The following SLC6A19 variants were observed in gnomAD, a reference collection of about 807,000 sequenced individuals.
SLC6A19 encodes sodium-dependent neutral amino acid transporter B(0)AT1.
In SLC6A19, 67 loss-of-function variants were observed where a neutral mutation model predicts 68.3. The observed-to-expected ratio is 0.98, with a 90% CI of 0.81 to 1.20. The LOEUF is 1.20. Ranked by LOEUF, SLC6A19 falls within the 50% of genes most tolerant of loss-of-function variation. The pLI, the probability that SLC6A19 is intolerant of heterozygous loss-of-function variation, is 0.00. For synonymous variants in SLC6A19, 392 were observed against 374.9 expected (o/e 1.05, Z -0.53); for missense variants, 813 against 851.6 (o/e 0.95, Z 0.56).
chr5:1,208,921 G>A, intron 2 of SLC6A19, 35 bp downstream of exon 2: 4 of 1,592,446 alleles, frequency 2.5e-6, no homozygotes, highest in Non-Finnish European at 3.4e-6. Context: ...CCGGGCCCAG[G>A]GGTCGCCTCT....
At position 1,214,114 on chromosome 5, in the gene SLC6A19, A is replaced by G. The variant is rs1458185113; in HGVS notation, c.887+49A>G. ...CAGTTTCCCTCTCAGTCCTGGGGGGATCTTGCTGGGAGGATAAAAGACAAG... is the reference window on the plus strand; with the variant it reads ...CAGTTTCCCTCTCAGTCCTGGGGGGGTCTTGCTGGGAGGATAAAAGACAAG... On this transcript the variant is annotated intron_variant, in intron 6 of 11. Transcript: ENST00000304460. The surrounding 1 kb of genome is among the most constrained non-coding windows in gnomAD (Gnocchi z 7.4). 6.2e-7 allele frequency: 1 copy of G among 1,612,320 alleles called. No homozygotes were observed. Among genetic ancestry groups the G allele is most frequent in the African/African-American group, 1.3e-5 (1 of 74,794 alleles).
At position 1,216,761 on chromosome 5, in the gene SLC6A19, TG is replaced by T. The variant is rs781558345; in HGVS notation, c.1017-26del. The T allele has an allele frequency of 5.6e-6, 9 of 1,613,678 alleles. No individual in the cohort carries two copies. The South Asian group carries it at 8.8e-5, about 16-fold the overall frequency. On this transcript the variant is annotated intron_variant, in intron 7 of 11. Coordinates refer to ENST00000304460, the MANE Select transcript of SLC6A19 (RefSeq NM_001003841.3). ...GCCTCCCAGCCTCCCTGGCCCCAGG[TG>T]GCCGTCAGCCTCAATCTGACCCGCA...
intron 2 of SLC6A19, 97 bp downstream of exon 2, chr5:1,208,983 C>G: frequency 2.8e-6 from 4 of 1,449,946 alleles, no homozygotes; most frequent in Non-Finnish European, 3.7e-6. Context: ...GGCCTCGGTG[C>G]CCCTGCTCTG....
chr5:1,203,938 C>T (rs966858815), intron 1 of SLC6A19, among the ~76,000 whole-genome samples: 3 of 152,174 alleles, frequency 2.0e-5, no homozygotes, highest in Admixed American at 6.5e-5. Flanking sequence ...AAGGACCCGG[C>T]GACACAGGGT....
At chr5:1,220,921 C>T (rs765709103) in intron 10 of SLC6A19, among the ~76,000 whole-genome samples, 20 of 152,158 alleles carry the variant, frequency 1.3e-4, no homozygotes, top group Admixed American at 2.6e-4. Context: ...ATGGGCAAGC[C>T]GTCGAGCACT....
chr5:1,210,698 C>T (rs948598394), intron 3 of SLC6A19, 117 bp downstream of exon 3: 16 of 1,442,622 alleles, frequency 1.1e-5, no homozygotes, highest in African/African-American at 2.8e-5. Context: ...AGCCCCAAGG[C>T]AACAGGGTGT....
chr5:1,208,696 CTGCTCCCCCGGG>C, intron 1 of SLC6A19, 38 bp from the exon 2 acceptor site: 1 of 1,612,396 alleles, frequency 6.2e-7, no homozygotes, highest in Non-Finnish European at 8.5e-7. Context: ...GGAGGCCTTC[CTGCTCCCCCGGG>C]AACGGCTCTC....
chr5:1,202,631 G>A (rs1386417739), intron 1 of SLC6A19, among the ~76,000 whole-genome samples: 1 of 152,100 alleles, frequency 6.6e-6, no homozygotes, highest in African/African-American at 2.4e-5. Flanking sequence ...TCAGCGGAAG[G>A]TCCAGGAGGG....
chr5:1,218,782 A>C (rs1746275607), intron 8 of SLC6A19, 121 bp from the exon 9 acceptor site: 2 of 960,216 alleles, frequency 2.1e-6, no homozygotes, highest in Non-Finnish European at 3.2e-6. Context: ...TAGCTATTTC[A>C]TGACAGCTCA....
Position 1,209,674 on chromosome 5 carries a change from C to T in SLC6A19, c.344-770C>T, listed in dbSNP as rs1745968017. The stretch of plus-strand genomic sequence containing the variant: ...CCCCTCCTATTCTCTCCCTTCCCCC[C>T]TCTCTCTCATCCTCCTCCTCTCTCT... On this transcript the variant is annotated intron_variant, in intron 2 of 11. Transcript: ENST00000304460. This position sits in a 1 kb window ranked among gnomAD's most constrained non-coding sequence, Gnocchi z 5.5. Among the ~76,000 whole-genome samples, 1 of 149,528 alleles carries T rather than the reference C, an allele frequency of 6.7e-6. No homozygotes were observed. Among genetic ancestry groups the T allele is most frequent in the Admixed American group, 6.7e-5 (1 of 14,978 alleles).
At chr5:1,221,441 ACTCAGGT>A in intron 11 of SLC6A19, 128 bp downstream of exon 11, 1 of 1,235,422 alleles carries the variant, frequency 8.1e-7, no homozygotes, top group South Asian at 1.3e-5. Context: ...ACACACTCAC[ACTCAGGT>A]GCAGTCCAGC....
rs1000794728 is a variant in SLC6A19 at position 1,219,080 on chromosome 5, C to G, written c.1351C>G (p.Pro451Ala). ...CCTGCAGGACCTCAGAGTCATCCCC[C>G]CGAAGTGGCCCAAGGAGGTGCTCAC... ...VPLQDLRVIP[P>A]KWPKEVLTGL... The change falls in exon 9 of 12, where the codon CCG (proline) becomes GCG (alanine). Residue 451 changes from proline to alanine, a missense_variant. Physicochemically the swap from Pro to Ala is conservative, Grantham distance 27. Transcript: ENST00000304460. 1.9e-6 allele frequency: 3 copies of G among 1,613,650 alleles called. No homozygotes were observed. The African/African-American group carries it at 4.0e-5, about 22-fold the overall frequency.
At chr5:1,206,873 G>A (rs1359888019) in intron 1 of SLC6A19, among the ~76,000 whole-genome samples, 1 of 152,186 alleles carries the variant, frequency 6.6e-6, no homozygotes, top group Non-Finnish European at 1.5e-5. Flanking sequence ...AGGCTCACTG[G>A]GGTTTGGGAC....
In SLC6A19 at chr5:1,219,036, T is replaced by C. The variant is rs766458506; in HGVS notation, c.1307T>C (p.Met436Thr). ...GGGCTGTCATCTATGTTTGGGAACATGGAGGGCGTCGTTGTGCCCCTGCAG... is the reference window on the plus strand; with the variant it reads ...GGGCTGTCATCTATGTTTGGGAACACGGAGGGCGTCGTTGTGCCCCTGCAG... ...CLGLSSMFGN[M>T]EGVVVPLQDL... The change falls in exon 9 of 12, where the codon ATG becomes ACG. Residue 436 changes from methionine to threonine, a missense_variant. Coordinates refer to ENST00000304460, the MANE Select transcript of SLC6A19 (RefSeq NM_001003841.3). The C allele has an allele frequency of 9.9e-6, 16 of 1,613,952 alleles. No homozygotes were observed. In the East Asian group the frequency reaches 3.6e-4, roughly 36 times the overall value.
intron 10 of SLC6A19, among the ~76,000 whole-genome samples, chr5:1,220,675 T>A (rs116453690): frequency 0.012 from 1,838 of 152,298 alleles, 38 homozygotes; most frequent in African/African-American, 0.042. Flanking sequence ...GGCTTGGGTG[T>A]AACCTTCTGC....
At chr5:1,201,911 C>T (rs1311543039) in intron 1 of SLC6A19, 59 bp downstream of exon 1, 1 of 1,559,444 alleles carries the variant, frequency 6.4e-7, no homozygotes, top group East Asian at 2.3e-5. Context: ...CAGACACACG[C>T]AGAGGCCCTG....
chr5:1,218,256 C>T (rs538205259), intron 8 of SLC6A19, among the ~76,000 whole-genome samples: 2 of 152,344 alleles, frequency 1.3e-5, no homozygotes, highest in Admixed American at 1.3e-4. Flanking sequence ...TCCTTGAGTC[C>T]TGCCATATCC....
chr5:1,221,666 G>A lies in SLC6A19; in HGVS notation c.1702-35G>A, dbSNP rs763874732. 42 of 1,612,250 alleles carry A rather than the reference G, an allele frequency of 2.6e-5. No homozygotes were observed. The East Asian group carries it at 6.0e-4, about 23-fold the overall frequency. On this transcript the variant is annotated intron_variant, in intron 11 of 11. Coordinates refer to ENST00000304460, the MANE Select transcript of SLC6A19 (RefSeq NM_001003841.3). ...CTCAAAGTGAACCCCACTGGCTCCC[G>A]GGATGCCTACTCACCCATGGGGCTC...
intron 8 of SLC6A19, among the ~76,000 whole-genome samples, chr5:1,217,691 G>T (rs976862234): frequency 6.6e-6 from 1 of 152,260 alleles, no homozygotes; most frequent in Non-Finnish European, 1.5e-5. Flanking sequence ...GCGCAGGCAG[G>T]AGGGGCCCAA....
Sources: allele counts gnomAD v4.1 joint callset (sites outside exome capture counted in the v4.1 genomes callset), GRCh38; gene constraint gnomAD v4.1.1; non-coding constraint Gnocchi (gnomAD v3.1); transcripts MANE v1.5; gene names NCBI Gene and HGNC (gene_info 2026-07-23, HGNC 2026-07-21).